DMD: variants seen among roughly 807,000 people sequenced by gnomAD.
DMD encodes dystrophin, also known as mutant dystrophin.
DMD carries 63 observed loss-of-function variants against 330.1 expected under a neutral mutation model. That is an observed-to-expected ratio of 0.19 (90% CI 0.16 to 0.24). The LOEUF (loss-of-function observed/expected upper bound fraction) is 0.24, where lower values mean the gene tolerates loss of function less well. DMD is among the 10% of genes least tolerant of loss of function. The pLI is 1.00. For missense variants in DMD, 3,344 were observed against 2,684.1 expected, an observed-to-expected ratio of 1.25 and a Z score of -5.43; for synonymous variants, 1,223 against 959.8, an observed-to-expected ratio of 1.27 and a Z score of -5.07.
intron 60 of DMD, among the ~76,000 whole-genome samples, chrX:31,356,642 C>A (rs2058689253): frequency 1.8e-5 from 2 of 112,265 alleles, no homozygotes; most frequent in Non-Finnish European, 1.9e-5. Flanking sequence ...AGCCTTTAAT[C>A]TTTCACCTCA....
chrX:32,776,667 C>G (rs1260553599), intron 7 of DMD, among the ~76,000 whole-genome samples: 1 of 107,189 alleles, frequency 9.3e-6, no homozygotes, highest in African/African-American at 3.4e-5. Context: ...CAATCACCTC[C>G]CACCAGGACC....
chrX:32,268,516 A>T (rs941731485), intron 43 of DMD, among the ~76,000 whole-genome samples: 11 of 111,292 alleles, frequency 9.9e-5, no homozygotes, highest in African/African-American at 3.6e-4. Flanking sequence ...GTTTGGCTTG[A>T]TAACATACTC....
At chrX:32,305,579 C>A (rs892010422) in intron 42 of DMD, among the ~76,000 whole-genome samples, 1 of 111,442 alleles carries the variant, frequency 9.0e-6, no homozygotes, top group African/African-American at 3.3e-5. Context: ...CCACCAGCAT[C>A]TCTTTTTCAA....
At chrX:32,066,259 T>G (rs370290901) in intron 44 of DMD, among the ~76,000 whole-genome samples, 1 of 111,721 alleles carries the variant, frequency 9.0e-6, no homozygotes, top group East Asian at 2.8e-4. Flanking sequence ...GGTGCTGGCT[T>G]ATAAATAAAT....
intron 48 of DMD, among the ~76,000 whole-genome samples, chrX:31,844,484 A>C (rs1000473860): frequency 9.0e-6 from 1 of 110,566 alleles, no homozygotes; most frequent in African/African-American, 3.3e-5. Flanking sequence ...TATTCTTTTC[A>C]CTTAGCATTG....
At chrX:33,076,248 A>T (rs1462795324) in intron 1 of DMD, among the ~76,000 whole-genome samples, 2 of 111,234 alleles carry the variant, frequency 1.8e-5, no homozygotes, top group African/African-American at 6.5e-5. Flanking sequence ...TTGTCCTTAA[A>T]AACCCTGGTC....
intron 48 of DMD, among the ~76,000 whole-genome samples, chrX:31,860,705 T>C (rs2149599936): frequency 8.9e-6 from 1 of 112,301 alleles, no homozygotes; most frequent in South Asian, 3.7e-4. Context: ...GGCTAGAAAA[T>C]GCAATGCAAA....
chrX:32,189,598 T>A (rs1393392521), intron 44 of DMD, among the ~76,000 whole-genome samples: 1 of 101,603 alleles, frequency 9.8e-6, no homozygotes, highest in East Asian at 3.3e-4. Flanking sequence ...TTCTCCTTCC[T>A]TTTACTACGC....
intron 1 of DMD, among the ~76,000 whole-genome samples, chrX:33,053,303 T>G (rs762073329): frequency 1.8e-5 from 2 of 111,452 alleles, no homozygotes. Flanking sequence ...TGTTAAAACA[T>G]AGTTACTGTG....
At chrX:31,775,255 C>T (rs1033848540) in intron 50 of DMD, among the ~76,000 whole-genome samples, 2 of 111,233 alleles carry the variant, frequency 1.8e-5, no homozygotes, top group Non-Finnish European at 3.8e-5. Context: ...ATTATTACAG[C>T]GCCTGACACT....
chrX:31,659,371 T>C (rs900932313), intron 53 of DMD, among the ~76,000 whole-genome samples: 9 of 110,697 alleles, frequency 8.1e-5, no homozygotes, highest in African/African-American at 2.6e-4. Context: ...CCGGGTGCGG[T>C]GGCTCATGCC....
At chrX:32,498,803 T>C (rs2043757281) in intron 19 of DMD, among the ~76,000 whole-genome samples, 1 of 111,950 alleles carries the variant, frequency 8.9e-6, no homozygotes, top group Non-Finnish European at 1.9e-5. Context: ...CTAGACATAC[T>C]GTTTCTAGAA....
chrX:32,536,169 G>A (rs903672033), intron 17 of DMD, among the ~76,000 whole-genome samples: 14 of 105,103 alleles, frequency 1.3e-4, no homozygotes, highest in Admixed American at 9.5e-4. Flanking sequence ...GGAGGCTGAG[G>A]CAGGACAATC....
chrX:32,851,984 A>G (rs2081174833), intron 2 of DMD, among the ~76,000 whole-genome samples: 1 of 111,142 alleles, frequency 9.0e-6, no homozygotes, highest in Admixed American at 9.5e-5. Context: ...TAGGCTACAA[A>G]AACTGCAATT....
chrX:31,646,705 G>C (rs1309182514), intron 54 of DMD, among the ~76,000 whole-genome samples: 1 of 111,844 alleles, frequency 8.9e-6, no homozygotes, highest in Non-Finnish European at 1.9e-5. Context: ...TCTTTCCCAT[G>C]GGGTGACCCA....
chrX:31,440,963 G>A (rs774261665), intron 60 of DMD, among the ~76,000 whole-genome samples: 1 of 112,055 alleles, frequency 8.9e-6, no homozygotes, highest in East Asian at 2.8e-4. Context: ...TCCCTTAACT[G>A]GTTTCACCAT....
chrX:31,710,815 C>G (rs1202176067), intron 52 of DMD, among the ~76,000 whole-genome samples: 1 of 111,546 alleles, frequency 9.0e-6, no homozygotes, highest in Non-Finnish European at 1.9e-5. Flanking sequence ...GACATTAAAT[C>G]TACGACAACT....
At chrX:31,880,990 T>C (rs1266419916) in intron 47 of DMD, among the ~76,000 whole-genome samples, 1 of 111,463 alleles carries the variant, frequency 9.0e-6, no homozygotes, top group Non-Finnish European at 1.9e-5. Flanking sequence ...GGGGACAGCA[T>C]GTGGAAGTGG....
At chrX:32,783,271 GTA>G (rs761284496) in intron 7 of DMD, among the ~76,000 whole-genome samples, 33 of 88,067 alleles carry the variant, frequency 3.7e-4, no homozygotes, top group Non-Finnish European at 6.1e-4. Context: ...CACATATATG[GTA>G]TATATACACC....
Sources: allele counts gnomAD v4.1 joint callset (sites outside exome capture counted in the v4.1 genomes callset), GRCh38; gene constraint gnomAD v4.1.1; transcripts MANE v1.5; gene names NCBI Gene and HGNC (gene_info 2026-07-23, HGNC 2026-07-21).